Variants in TENM1 observed in about 807,000 individuals in gnomAD.
TENM1 encodes teneurin transmembrane protein 1, also known as teneurin-1.
A neutral mutation model predicts 174.8 loss-of-function variants in TENM1; 35 were observed. The ratio of observed to expected loss-of-function variants is 0.20; its 90% confidence interval spans 0.15 to 0.27. The LOEUF (loss-of-function observed/expected upper bound fraction) is 0.27, where lower values mean the gene tolerates loss of function less well. TENM1 is among the 10% of genes least tolerant of loss of function. TENM1 has a pLI of 1.00. For synonymous variants in TENM1, 781 were observed against 798.7 expected (o/e 0.98, Z 0.37); for missense variants, 1,633 against 2,130.1 (o/e 0.77, Z 4.59).
At chrX:125,163,035 G>A in the TENM1 span, among the ~76,000 whole-genome samples, 41 of 111,250 alleles carry the variant, frequency 3.7e-4, no homozygotes, top group Non-Finnish European at 5.1e-4. Context: ...TGCTGCCCCC[G>A]CTGCCACCAC....
the TENM1 span, among the ~76,000 whole-genome samples, chrX:125,089,866 C>A: frequency 9.0e-6 from 1 of 111,394 alleles, no homozygotes; most frequent in Admixed American, 9.5e-5. Flanking sequence ...TTATTATATT[C>A]ATGCTTAAGA....
chrX:124,443,929 T>A (rs180682800), intron 23 of TENM1, among the ~76,000 whole-genome samples: 2 of 112,358 alleles, frequency 1.8e-5, no homozygotes, highest in East Asian at 5.6e-4. Flanking sequence ...AAAAATATTA[T>A]GAAACACTAC....
At chrX:125,146,841 A>G in the TENM1 span, among the ~76,000 whole-genome samples, 6 of 111,393 alleles carry the variant, frequency 5.4e-5, no homozygotes, top group South Asian at 1.1e-3. Flanking sequence ...AAAATCTTGA[A>G]TTCTGAGCCC....
intron 23 of TENM1, among the ~76,000 whole-genome samples, chrX:124,440,589 T>C (rs2060892832): frequency 8.9e-6 from 1 of 111,885 alleles, no homozygotes; most frequent in African/African-American, 3.2e-5. Context: ...GATTTAACAT[T>C]TTTTTCTGTA....
intron 1 of TENM1, among the ~76,000 whole-genome samples, chrX:124,950,223 A>G (rs1286010790): frequency 8.9e-6 from 1 of 112,268 alleles, no homozygotes; most frequent in East Asian, 2.8e-4. Context: ...AATTGCTATT[A>G]GTTCAGTATT....
intron 21 of TENM1, among the ~76,000 whole-genome samples, chrX:124,484,258 C>T (rs1672071988): frequency 9.0e-6 from 1 of 111,650 alleles, no homozygotes; most frequent in African/African-American, 3.3e-5. Flanking sequence ...ATACTACCAA[C>T]ATGATGTACA....
intron 3 of TENM1, among the ~76,000 whole-genome samples, chrX:124,745,230 C>A (rs1036463067): frequency 1.8e-5 from 2 of 111,456 alleles, no homozygotes; most frequent in Non-Finnish European, 3.8e-5. Flanking sequence ...ACTTTAAGAA[C>A]AAAGGGCACT....
intron 16 of TENM1, among the ~76,000 whole-genome samples, chrX:124,524,182 C>T (rs1569536210): frequency 9.0e-6 from 1 of 111,251 alleles, no homozygotes; most frequent in Non-Finnish European, 1.9e-5. Flanking sequence ...AGCCTGTAAA[C>T]CAGTTAATTT....
At chrX:124,713,207 T>C (rs1452722933) in intron 4 of TENM1, among the ~76,000 whole-genome samples, 1 of 111,858 alleles carries the variant, frequency 8.9e-6, no homozygotes, top group African/African-American at 3.3e-5. Flanking sequence ...CTTAGTTCTA[T>C]AATATATTCT....
At chrX:125,185,501 T>C in the TENM1 span, among the ~76,000 whole-genome samples, 1 of 112,383 alleles carries the variant, frequency 8.9e-6, no homozygotes, top group Non-Finnish European at 1.9e-5. Flanking sequence ...AAATAGACTT[T>C]AAAAATTTTA....
At chrX:124,565,669 T>C in intron 11 of TENM1, 109 bp from the exon 15 acceptor site, 2 of 509,617 alleles carry the variant, frequency 3.9e-6, no homozygotes, top group Non-Finnish European at 5.6e-6. Context: ...TTATATTTTA[T>C]TTATTTATTA....
the TENM1 span, among the ~76,000 whole-genome samples, chrX:125,124,431 G>A: frequency 9.0e-6 from 1 of 111,508 alleles, no homozygotes; most frequent in African/African-American, 3.3e-5. Flanking sequence ...AATGAGCACT[G>A]GGTCATTTGG....
the TENM1 span, among the ~76,000 whole-genome samples, chrX:125,179,694 G>A: frequency 1.4e-4 from 16 of 110,630 alleles, no homozygotes; most frequent in South Asian, 1.2e-3. Flanking sequence ...AGTGGCATCA[G>A]CATCCCCTGG....
At chrX:124,699,270 T>G (rs2052721460) in intron 5 of TENM1, among the ~76,000 whole-genome samples, 1 of 110,868 alleles carries the variant, frequency 9.0e-6, no homozygotes, top group South Asian at 3.8e-4. Context: ...CTTACTGTTC[T>G]AAAATGTCTT....
the TENM1 span, among the ~76,000 whole-genome samples, chrX:124,971,282 T>G: frequency 3.6e-5 from 4 of 111,087 alleles, no homozygotes; most frequent in Non-Finnish European, 7.6e-5. Context: ...ACTTAAAGTA[T>G]AATAATAATA....
chrX:124,724,518 A>G (rs1425347517), intron 4 of TENM1, among the ~76,000 whole-genome samples: 3 of 112,124 alleles, frequency 2.7e-5, no homozygotes, highest in Non-Finnish European at 5.6e-5. Flanking sequence ...TATGTTGGCC[A>G]TGTGTGGTGG....
chrX:125,081,192 TAGTGAG>T, the TENM1 span, among the ~76,000 whole-genome samples: 1 of 111,153 alleles, frequency 9.0e-6, no homozygotes, highest in East Asian at 2.9e-4. Flanking sequence ...AAATAAGTCT[TAGTGAG>T]AGTAATTTAT....
chrX:124,577,421 A>G (rs2049193738), intron 11 of TENM1, among the ~76,000 whole-genome samples: 1 of 103,181 alleles, frequency 9.7e-6, no homozygotes, highest in African/African-American at 3.6e-5. Flanking sequence ...CAGAGTCAAC[A>G]AAATCCTCAG....
intron 3 of TENM1, among the ~76,000 whole-genome samples, chrX:124,865,279 A>T (rs1354194005): frequency 8.9e-6 from 1 of 112,285 alleles, no homozygotes; most frequent in Non-Finnish European, 1.9e-5. Flanking sequence ...TAAATAATGA[A>T]CCAATAAAAA....
Sources: gnomAD v4.1 joint callset for allele counts (sites outside exome capture counted in the v4.1 genomes callset) on GRCh38, gnomAD v4.1.1 for gene constraint, MANE v1.5 for transcripts, NCBI Gene and HGNC (gene_info 2026-07-23, HGNC 2026-07-21) for gene names.